Variants in PCBP3 observed in about 807,000 individuals in gnomAD.
The protein encoded by PCBP3 is poly(rC)-binding protein 3.
Under a neutral mutation model 52.7 loss-of-function variants are expected in PCBP3, and 25 were observed. The ratio of observed to expected loss-of-function variants is 0.47; its 90% CI spans 0.35 to 0.66. The LOEUF (loss-of-function observed/expected upper bound fraction) is 0.66. PCBP3 is among the 30% of genes least tolerant of loss of function. PCBP3 has a pLI of 0.01. For missense variants in PCBP3, 391 were observed against 490.3 expected (o/e 0.80, Z 1.91); for synonymous variants, 162 against 183.0 (o/e 0.89, Z 0.93).
chr21:45,764,722 AAAAC>A (rs1285953860), intron 4 of PCBP3, among the ~76,000 whole-genome samples: 1 of 152,242 alleles, frequency 6.6e-6, no homozygotes, highest in Non-Finnish European at 1.5e-5. Flanking sequence ...CTTTTAATTT[AAAAC>A]AAATCACAGA....
rs2073784820 is a variant in PCBP3, at chr21:45,917,999, G to T, written c.717+370G>T. On this transcript the variant is annotated intron_variant, in intron 13 of 17. Transcript: ENST00000681687. The surrounding 1 kb of genome is among the most constrained non-coding windows in gnomAD (Gnocchi z 5.3). Reference sequence around the variant, plus strand: ...TACTTTCTCTGCGCCTAAGAAGTTGGGTGACATTATCAAACAGGCCACAAA... The same window carrying T: ...TACTTTCTCTGCGCCTAAGAAGTTGTGTGACATTATCAAACAGGCCACAAA... The T allele has an allele frequency of 3.2e-6, 1 of 317,406 alleles. No individual in the cohort carries two copies. 19.7% of individuals were successfully genotyped at this position (317,406 alleles called of 1,614,324 possible).
chr21:45,807,737 A>G (rs1569249178), intron 4 of PCBP3, among the ~76,000 whole-genome samples: 1 of 151,404 alleles, frequency 6.6e-6, no homozygotes, highest in Non-Finnish European at 1.5e-5. Context: ...GACAATTCTA[A>G]GCAAAAAAAA....
intron 12 of PCBP3, chr21:45,914,994 T>G (rs942419719): frequency 1.3e-5 from 2 of 152,258 alleles, no homozygotes; most frequent in Non-Finnish European, 2.9e-5. Context: ...GATCTCCCAG[T>G]TGTGGCCCGT....
At chr21:45,824,093 G>C (rs1041144588) in intron 4 of PCBP3, among the ~76,000 whole-genome samples, 1 of 152,146 alleles carries the variant, frequency 6.6e-6, no homozygotes, top group Non-Finnish European at 1.5e-5. Context: ...GTCTTTAGTT[G>C]ATTTCCAGCA....
intron 13 of PCBP3, among the ~76,000 whole-genome samples, chr21:45,925,261 A>C (rs1321861512): frequency 2.0e-5 from 3 of 152,256 alleles, no homozygotes; most frequent in Admixed American, 2.0e-4. Flanking sequence ...GGGAGAAGAC[A>C]CTGAGTGTAG....
intron 2 of PCBP3, among the ~76,000 whole-genome samples, chr21:45,677,027 C>T (rs2081512795): frequency 6.6e-6 from 1 of 152,162 alleles, no homozygotes; most frequent in Admixed American, 6.5e-5. Context: ...CCTGCCTCAG[C>T]CTCCCAAAGT....
intron 2 of PCBP3, among the ~76,000 whole-genome samples, chr21:45,690,640 TA>T (rs2082405499): frequency 6.6e-6 from 1 of 151,886 alleles, no homozygotes; most frequent in Non-Finnish European, 1.5e-5. Context: ...AACAACTCAA[TA>T]AAAAATACCA....
chr21:45,664,107 TACAC>T (rs2080613229), intron 1 of PCBP3, among the ~76,000 whole-genome samples: 1 of 146,716 alleles, frequency 6.8e-6, no homozygotes. Context: ...GGAGAGTAAA[TACAC>T]ACACGCATAA....
intron 4 of PCBP3, among the ~76,000 whole-genome samples, chr21:45,807,311 C>T (rs1482649756): frequency 6.6e-6 from 1 of 152,166 alleles, no homozygotes; most frequent in African/African-American, 2.4e-5. Context: ...CCCAAAATCT[C>T]CTTAAGCTGA....
chr21:45,764,172 G>A (rs2089039372), intron 4 of PCBP3, among the ~76,000 whole-genome samples: 1 of 149,668 alleles, frequency 6.7e-6, no homozygotes, highest in South Asian at 2.1e-4. Context: ...GCCTGGGCTG[G>A]AGTGCAATGG....
At chr21:45,879,437 C>T (rs1346646266) in intron 5 of PCBP3, among the ~76,000 whole-genome samples, 1 of 152,064 alleles carries the variant, frequency 6.6e-6, no homozygotes, top group African/African-American at 2.4e-5. Flanking sequence ...ATGATCCATG[C>T]CGAGTGATAG....
intron 4 of PCBP3, among the ~76,000 whole-genome samples, chr21:45,815,040 G>A (rs1325436225): frequency 1.7e-5 from 2 of 120,048 alleles, no homozygotes; most frequent in Non-Finnish European, 3.4e-5. Context: ...TGAGTGATGA[G>A]TGGTGAGTGG....
At chr21:45,867,986 G>A (rs2094817190) in intron 5 of PCBP3, among the ~76,000 whole-genome samples, 1 of 152,286 alleles carries the variant, frequency 6.6e-6, no homozygotes, top group Non-Finnish European at 1.5e-5. Flanking sequence ...GCGCAAGCCA[G>A]ATGGTGCTGA....
chr21:45,707,163 T>C (rs554899740), intron 2 of PCBP3, among the ~76,000 whole-genome samples: 1 of 152,296 alleles, frequency 6.6e-6, no homozygotes, highest in South Asian at 2.1e-4. Context: ...TTTTTGTCTC[T>C]GGGGATCTAG....
At position 45,837,328 on chromosome 21, in the gene PCBP3, G is replaced by A. The variant is rs1227379821; in HGVS notation, c.-125-12633G>A. Reference sequence around the variant, plus strand: ...GGATCGTGACCCTCCCTTTAATCTGGGCAGGCATGTGCCTCCAGCGGAAAT... The same window carrying A: ...GGATCGTGACCCTCCCTTTAATCTGAGCAGGCATGTGCCTCCAGCGGAAAT... On this transcript the variant is annotated intron_variant, in intron 4 of 17. Coordinates refer to ENST00000681687, the MANE Select transcript of PCBP3 (RefSeq NM_001384156.1). This position sits in a 1 kb window ranked among gnomAD's most constrained non-coding sequence, Gnocchi z 4.1. Among the ~76,000 whole-genome samples, 9 of 152,150 alleles carry A rather than the reference G, an allele frequency of 5.9e-5. No individual in the cohort carries two copies. The highest frequency in any genetic ancestry group is 1.3e-4 in the Admixed American group (2 of 15,276).
chr21:45,900,742 G>A (rs1603481394), intron 8 of PCBP3, 119 bp downstream of exon 8: 4 of 833,396 alleles, frequency 4.8e-6, no homozygotes, highest in South Asian at 1.5e-5. Context: ...TGTGTGGGGA[G>A]TGCAGTGCGG....
chr21:45,827,205 C>T lies in PCBP3; in HGVS notation c.-125-22756C>T, dbSNP rs940462336. 2.6e-4 allele frequency among the ~76,000 whole-genome samples: 40 copies of T among 152,324 alleles called. No homozygotes were observed. The highest frequency in any genetic ancestry group is 9.4e-4 in the African/African-American group (39 of 41,582). On this transcript the variant is annotated intron_variant, in intron 4 of 17. Transcript: ENST00000681687. The surrounding 1 kb of genome is among the most constrained non-coding windows in gnomAD (Gnocchi z 4.3). The stretch of plus-strand genomic sequence containing the variant: ...GGACAAGGAGCCCTTCCCATCTGGG[C>T]ATCAGCTGAGGCCAGGGGCGGAACC...
intron 4 of PCBP3, among the ~76,000 whole-genome samples, chr21:45,808,842 C>T (rs207477888): frequency 8.5e-5 from 13 of 152,116 alleles, no homozygotes; most frequent in Non-Finnish European, 1.3e-4. Context: ...ATATATACCA[C>T]GGAATACTAT....
intron 2 of PCBP3, among the ~76,000 whole-genome samples, chr21:45,698,756 G>T (rs1001305298): frequency 1.3e-5 from 2 of 152,224 alleles, no homozygotes; most frequent in South Asian, 4.1e-4. Flanking sequence ...GAGAACAAAT[G>T]ACTAAGTTTC....
Sources: gnomAD v4.1 joint callset for allele counts (sites outside exome capture counted in the v4.1 genomes callset) on GRCh38, gnomAD v4.1.1 for gene constraint, Gnocchi (gnomAD v3.1) non-coding constraint, MANE v1.5 for transcripts, NCBI Gene and HGNC (gene_info 2026-07-23, HGNC 2026-07-21) for gene names.